Variants in CRB1 observed in about 807,000 individuals in gnomAD.
The protein encoded by CRB1 is crumbs cell polarity complex component 1.
CRB1 carries 83 observed loss-of-function variants against 120.0 expected under a neutral mutation model. The observed-to-expected ratio is 0.69, with a 90% CI of 0.58 to 0.83. CRB1 has a LOEUF of 0.83. Among genes scored for constraint, CRB1 ranks in the 40% least tolerant of loss-of-function variants. The probability of loss-of-function intolerance (pLI) is 0.00; values close to 1 mark genes in which losing one functional copy is unlikely to be tolerated. For missense variants in CRB1, 1,699 were observed against 1,687.6 expected, an observed-to-expected ratio of 1.01 and a Z score of -0.12; for synonymous variants, 625 against 612.5, an observed-to-expected ratio of 1.02 and a Z score of -0.30.
intron 11 of CRB1, among the ~76,000 whole-genome samples, chr1:197,448,121 A>C (rs1185274162): frequency 6.6e-6 from 1 of 151,966 alleles, no homozygotes; most frequent in Non-Finnish European, 1.5e-5. Flanking sequence ...TCACATAATT[A>C]GGAACTTATT....
At position 197,438,592 on chromosome 1, in the gene CRB1, T is replaced by C. The variant is rs2125506234; in HGVS notation, c.3795T>C (p.Asn1265=). ...CAGTCTGTGGGAATGAGAAGACAAA[T>C]CTCACTTGCTACAATGGAGGCAACT... ...PSTVCGNEKT[N]LTCYNGGNCT... is the part of the protein sequence containing the mutation. The change falls in exon 10 of 12, where the codon AAT becomes AAC. Residue 1265 remains asparagine, a synonymous_variant. Coordinates refer to ENST00000367400, the MANE Select transcript of CRB1 (RefSeq NM_201253.3). 6.2e-7 allele frequency: 1 copy of C among 1,612,918 alleles called. No homozygotes were observed. Among genetic ancestry groups the C allele is most frequent in the Non-Finnish European group, 8.5e-7 (1 of 1,179,102 alleles).
intron 4 of CRB1, among the ~76,000 whole-genome samples, chr1:197,354,034 A>C (rs1329507589): frequency 6.6e-6 from 1 of 150,800 alleles, no homozygotes; most frequent in Non-Finnish European, 1.5e-5. Flanking sequence ...AAAAAAAAAA[A>C]ACACCCCCAA....
the CRB1 span, among the ~76,000 whole-genome samples, chr1:197,259,819 T>C: frequency 2.6e-5 from 4 of 152,096 alleles, no homozygotes; most frequent in Non-Finnish European, 5.9e-5. Context: ...GAAAACTATC[T>C]GGAAGATAAA....
At chr1:197,411,193 T>C (rs1404500935) in intron 5 of CRB1, among the ~76,000 whole-genome samples, 8 of 152,154 alleles carry the variant, frequency 5.3e-5, no homozygotes, top group African/African-American at 1.4e-4. Flanking sequence ...TATCGCTGTC[T>C]CCTAAAACAA....
chr1:197,327,671 G>C (rs536543349), intron 1 of CRB1, among the ~76,000 whole-genome samples: 37 of 152,226 alleles, frequency 2.4e-4, no homozygotes, highest in Middle Eastern at 3.4e-3. Flanking sequence ...TGCAAATATA[G>C]AAATAATTGC....
intron 1 of CRB1, among the ~76,000 whole-genome samples, chr1:197,298,380 C>G (rs1656662602): frequency 2.0e-5 from 3 of 152,048 alleles, no homozygotes; most frequent in Admixed American, 6.6e-5. Context: ...GAAGGTACCT[C>G]TAACAGGTTC....
chr1:197,211,452 C>G, the CRB1 span, among the ~76,000 whole-genome samples: 3 of 152,162 alleles, frequency 2.0e-5, no homozygotes, highest in African/African-American at 7.2e-5. Context: ...GATCAAGGGG[C>G]CAGCATTCAG....
chr1:197,255,836 G>T, the CRB1 span, among the ~76,000 whole-genome samples: 4 of 151,262 alleles, frequency 2.6e-5, no homozygotes, highest in African/African-American at 4.9e-5. Context: ...CATAGATTAT[G>T]AAACAAACTC....
chr1:197,299,147 T>A (rs1412215930), intron 1 of CRB1, among the ~76,000 whole-genome samples: 1 of 151,960 alleles, frequency 6.6e-6, no homozygotes, highest in Non-Finnish European at 1.5e-5. Context: ...CTCCTTCAAA[T>A]CAATGAGAAA....
chr1:197,403,960 C>T (rs931033648), intron 5 of CRB1, among the ~76,000 whole-genome samples: 3 of 152,108 alleles, frequency 2.0e-5, no homozygotes, highest in Admixed American at 6.5e-5. Flanking sequence ...GTTCAAGTTC[C>T]GGTAGTTGGT....
chr1:197,434,836 T>A lies in CRB1; in HGVS notation c.2973T>A (p.His991Gln), dbSNP rs1283640636. 1 of 1,613,748 alleles carries A rather than the reference T, an allele frequency of 6.2e-7. No individual in the cohort carries two copies. The highest frequency in any genetic ancestry group is 8.5e-7 in the Non-Finnish European group (1 of 1,179,822). ...GGGATGCAAATGTAATAATATTGCA[T>A]GCAGAAAAAGAGCCTGAATTTCTTA... Reference protein sequence around the residue: ...RTRDANVIILHAEKEPEFLNI... With the variant: ...RTRDANVIILQAEKEPEFLNI... Residue 991 changes from histidine (H) to glutamine (Q), a missense_variant, in exon 9 of 12, where the codon CAT becomes CAA. His to Gln is a conservative substitution (Grantham distance 24, BLOSUM62 0). Coordinates refer to ENST00000367400, the MANE Select transcript of CRB1 (RefSeq NM_201253.3).
At chr1:197,253,020 A>C in the CRB1 span, among the ~76,000 whole-genome samples, 3 of 152,064 alleles carry the variant, frequency 2.0e-5, no homozygotes, top group Non-Finnish European at 4.4e-5. Context: ...TTTACCAGCT[A>C]TCTGGACATC....
rs62636288 is a variant in CRB1 at position 197,421,126 on chromosome 1, A to G, written c.1298A>G (p.Tyr433Cys). Reference sequence around the variant, plus strand: ...TTTGATAACCTTTCTAGAACTTTTTATGGAGGAAGGGACTGTTCTGATATT... The same window carrying G: ...TTTGATAACCTTTCTAGAACTTTTTGTGGAGGAAGGGACTGTTCTGATATT... ...CPFDNLSRTF[Y>C]GGRDCSDILL... The change falls in exon 6 of 12, where the codon TAT becomes TGT. Residue 433 changes from tyrosine (Y) to cysteine (C), a missense_variant. By Grantham distance (194) the Tyr-to-Cys change is radical. Transcript: ENST00000367400. The G allele has an allele frequency of 6.2e-7, 1 of 1,614,184 alleles. No individual in the cohort carries two copies. Among genetic ancestry groups the G allele is most frequent in the South Asian group, 1.1e-5 (1 of 91,086 alleles).
At chr1:197,376,238 T>G (rs1004836930) in intron 5 of CRB1, among the ~76,000 whole-genome samples, 3 of 152,174 alleles carry the variant, frequency 2.0e-5, no homozygotes, top group Non-Finnish European at 4.4e-5. Flanking sequence ...TAGATAGATG[T>G]TTACAACATC....
At chr1:197,442,776 G>T (rs1315533083) in intron 11 of CRB1, 2 of 237,006 alleles carry the variant, frequency 8.4e-6, no homozygotes, top group East Asian at 1.2e-4. Flanking sequence ...CCATCACTAT[G>T]ATTCTATTTT....
the CRB1 span, among the ~76,000 whole-genome samples, chr1:197,246,435 T>C: frequency 1.4e-4 from 22 of 152,152 alleles, no homozygotes; most frequent in Non-Finnish European, 2.5e-4. Flanking sequence ...GTCTGAGATA[T>C]ATGAATCCAA....
At chr1:197,261,548 CTA>C in the CRB1 span, among the ~76,000 whole-genome samples, 6 of 152,228 alleles carry the variant, frequency 3.9e-5, no homozygotes, top group Non-Finnish European at 7.4e-5. Flanking sequence ...ATTTATGTCT[CTA>C]TTCATCTATC....
At chr1:197,309,085 CAT>C (rs1263203985) in intron 1 of CRB1, among the ~76,000 whole-genome samples, 1 of 151,516 alleles carries the variant, frequency 6.6e-6, no homozygotes, top group African/African-American at 2.4e-5. Flanking sequence ...CATATATACA[CAT>C]ATACACACAC....
intron 5 of CRB1, among the ~76,000 whole-genome samples, chr1:197,382,906 C>G (rs1662027915): frequency 6.6e-6 from 1 of 152,160 alleles, no homozygotes; most frequent in African/African-American, 2.4e-5. Context: ...TTGCAGCTCT[C>G]CTAACCTCAC....
Sources: allele counts gnomAD v4.1 joint callset (sites outside exome capture counted in the v4.1 genomes callset), GRCh38; gene constraint gnomAD v4.1.1; transcripts MANE v1.5; gene names NCBI Gene and HGNC (gene_info 2026-07-23, HGNC 2026-07-21).